Variants in ADAMTS18 observed in about 807,000 individuals in gnomAD.
The protein encoded by ADAMTS18 is A disintegrin and metalloproteinase with thrombospondin motifs 18.
In ADAMTS18, 157 loss-of-function variants were observed where a neutral mutation model predicts 165.9. That is an observed-to-expected ratio of 0.95 (90% CI 0.83 to 1.08). ADAMTS18 has a LOEUF of 1.08. ADAMTS18 is among the 50% of genes least tolerant of loss of function. The pLI is 0.00. For synonymous variants in ADAMTS18, 782 were observed against 578.2 expected, an observed-to-expected ratio of 1.35 and a Z score of -5.06; for missense variants, 2,040 against 1,534.0, an observed-to-expected ratio of 1.33 and a Z score of -5.51.
At chr16:77,380,226 T>C (rs1360050425) in intron 3 of ADAMTS18, among the ~76,000 whole-genome samples, 3 of 152,236 alleles carry the variant, frequency 2.0e-5, no homozygotes, top group African/African-American at 7.2e-5. Flanking sequence ...TTTATGCTCC[T>C]GACACAAAGA....
rs74520471 is a variant in ADAMTS18 at position 77,402,043 on chromosome 16, T to C, written c.495+29252A>G. Among the ~76,000 whole-genome samples the C allele has an allele frequency of 5.5e-3, 832 of 152,274 alleles. 11 individuals are homozygous for C. Among genetic ancestry groups the C allele is most frequent in the African/African-American group, 0.019 (802 of 41,548 alleles). ...TCTCTAGTTTGCAGACAGCATATTG[T>C]GGAAATTTTCAGCTTCCATAGTGGC... On this transcript the variant is annotated intron_variant, in intron 3 of 22. Transcript: ENST00000282849.
At chr16:77,418,028 A>G (rs2057552695) in intron 3 of ADAMTS18, among the ~76,000 whole-genome samples, 1 of 152,184 alleles carries the variant, frequency 6.6e-6, no homozygotes, top group African/African-American at 2.4e-5. Context: ...TCCTCATAAA[A>G]ATGCAAGGGT....
intron 11 of ADAMTS18, among the ~76,000 whole-genome samples, chr16:77,340,496 A>G (rs1567497037): frequency 6.6e-6 from 1 of 152,110 alleles, no homozygotes; most frequent in Admixed American, 6.6e-5. Context: ...TTTTTAAAGA[A>G]ATACAACTCT....
At chr16:77,371,874 A>T (rs1406706994) in intron 3 of ADAMTS18, among the ~76,000 whole-genome samples, 1 of 152,228 alleles carries the variant, frequency 6.6e-6, no homozygotes, top group Non-Finnish European at 1.5e-5. Context: ...TATGTACCCG[A>T]TAAGAGTTAA....
At chr16:77,399,651 G>C (rs1430208354) in intron 3 of ADAMTS18, among the ~76,000 whole-genome samples, 1 of 152,150 alleles carries the variant, frequency 6.6e-6, no homozygotes, top group Non-Finnish European at 1.5e-5. Flanking sequence ...ACACTTCATA[G>C]AGTTGTCTGG....
intron 3 of ADAMTS18, among the ~76,000 whole-genome samples, chr16:77,370,177 G>T (rs909967379): frequency 6.6e-6 from 1 of 152,116 alleles, no homozygotes; most frequent in Non-Finnish European, 1.5e-5. Context: ...TCCAGAACAA[G>T]ACAAAGATGC....
intron 22 of ADAMTS18, 137 bp from the exon 23 acceptor site, chr16:77,284,208 C>G: frequency 1.6e-6 from 1 of 634,620 alleles, no homozygotes; most frequent in Middle Eastern, 4.2e-4. Context: ...TCACTGCAAT[C>G]TCTGCTGCCC....
chr16:77,327,616 C>T (rs373354195), intron 12 of ADAMTS18, among the ~76,000 whole-genome samples: 23 of 152,250 alleles, frequency 1.5e-4, no homozygotes, highest in African/African-American at 5.1e-4. Flanking sequence ...AACTGGAGAC[C>T]GTTATTCTAA....
At chr16:77,381,744 G>C (rs983559835) in intron 3 of ADAMTS18, among the ~76,000 whole-genome samples, 1 of 152,226 alleles carries the variant, frequency 6.6e-6, no homozygotes, top group South Asian at 2.1e-4. Context: ...GGAGGTTGCA[G>C]TGAGCCGAGA....
In ADAMTS18 at chr16:77,367,700, T is replaced by C. The variant is rs1478006860; in HGVS notation, c.519A>G (p.Lys173=). ...AGLSGLIRTR[K]NEFLISPLPQ... is the part of the protein sequence containing the mutation. Reference sequence around the variant, plus strand: ...GTAATGGCGAGATGAGGAATTCATTTTTTCGTGTCCTTATTAAACCTGACT... The same window carrying C: ...GTAATGGCGAGATGAGGAATTCATTCTTTCGTGTCCTTATTAAACCTGACT... The change falls in exon 4 of 23, where the codon AAA becomes AAG. Residue 173 remains lysine (K), a synonymous_variant. Coordinates refer to ENST00000282849, the MANE Select transcript of ADAMTS18 (RefSeq NM_199355.4). 6.2e-7 allele frequency: 1 copy of C among 1,614,060 alleles called. No homozygotes were observed. Among genetic ancestry groups the C allele is most frequent in the African/African-American group, 1.3e-5 (1 of 74,934 alleles).
intron 3 of ADAMTS18, among the ~76,000 whole-genome samples, chr16:77,401,007 G>A (rs937300853): frequency 3.3e-5 from 5 of 152,030 alleles, no homozygotes; most frequent in African/African-American, 1.2e-4. Context: ...TGTAATTCTA[G>A]CACTTTGGGA....
chr16:77,411,303 A>T (rs1244157186), intron 3 of ADAMTS18, among the ~76,000 whole-genome samples: 1 of 152,182 alleles, frequency 6.6e-6, no homozygotes, highest in Non-Finnish European at 1.5e-5. Flanking sequence ...CTTTCCTGGC[A>T]TTCTGTATGA....
intron 3 of ADAMTS18, among the ~76,000 whole-genome samples, chr16:77,399,403 A>C (rs2057298410): frequency 6.6e-6 from 1 of 152,172 alleles, no homozygotes; most frequent in Non-Finnish European, 1.5e-5. Flanking sequence ...TTTTCACTTA[A>C]ATTCAGGTGA....
Position 77,297,385 on chromosome 16 carries a change from C to T in ADAMTS18, c.2705G>A (p.Arg902Gln), listed in dbSNP as rs144292157. ...GGAATTGACTTGAGTATTTTGATCT[C>T]GCAAGCAAATGGCCTTTACATTTAT... Reference protein sequence around the residue: ...GYINVKAICLRDQNTQVNSSF... With the variant: ...GYINVKAICLQDQNTQVNSSF... The change falls in exon 18 of 23, where the codon CGA becomes CAA. Residue 902 changes from arginine (R) to glutamine (Q), a missense_variant. Transcript: ENST00000282849. 63 of 1,613,592 alleles carry T rather than the reference C, an allele frequency of 3.9e-5. No homozygotes were observed. Among genetic ancestry groups the T allele is most frequent in the African/African-American group, 1.3e-4 (10 of 74,998 alleles).
intron 3 of ADAMTS18, among the ~76,000 whole-genome samples, chr16:77,422,193 A>C (rs1394091722): frequency 6.6e-6 from 1 of 152,090 alleles, no homozygotes; most frequent in Non-Finnish European, 1.5e-5. Context: ...TTGGATACAG[A>C]GACAAATTTA....
chr16:77,321,441 C>G (rs2055997465), intron 14 of ADAMTS18, among the ~76,000 whole-genome samples: 1 of 152,114 alleles, frequency 6.6e-6, no homozygotes, highest in Non-Finnish European at 1.5e-5. Flanking sequence ...ATCAATGAAA[C>G]TGGAATAAAA....
chr16:77,334,658 C>A (rs1355080932), intron 12 of ADAMTS18, among the ~76,000 whole-genome samples: 1 of 109,252 alleles, frequency 9.2e-6, no homozygotes, highest in African/African-American at 3.7e-5. Flanking sequence ...ACACTATATA[C>A]TGTATATAGT....
Position 77,401,812 on chromosome 16 carries a change from C to T in ADAMTS18, c.495+29483G>A, listed in dbSNP as rs80254458. On this transcript the variant is annotated intron_variant, in intron 3 of 22. Coordinates refer to ENST00000282849, the MANE Select transcript of ADAMTS18 (RefSeq NM_199355.4). ...GGAAGGATGAATTTGATCTCTCTCT[C>T]GCTCTCTTTTCTTGAGCAAGGATAT... Among the ~76,000 whole-genome samples, 630 of 152,268 alleles carry T rather than the reference C, an allele frequency of 4.1e-3. 8 individuals carry two copies. The highest frequency in any genetic ancestry group is 0.015 in the African/African-American group (606 of 41,550).
intron 3 of ADAMTS18, among the ~76,000 whole-genome samples, chr16:77,398,584 T>A (rs557119723): frequency 1.1e-4 from 16 of 152,268 alleles, no homozygotes; most frequent in African/African-American, 3.4e-4. Context: ...TAGATCACGG[T>A]TTCTCAGTCT....
Sources: gnomAD v4.1 joint callset for allele counts (sites outside exome capture counted in the v4.1 genomes callset) on GRCh38, gnomAD v4.1.1 for gene constraint, MANE v1.5 for transcripts, NCBI Gene and HGNC (gene_info 2026-07-23, HGNC 2026-07-21) for gene names.